Variants in MYO1E observed in about 807,000 individuals in gnomAD.
MYO1E encodes unconventional myosin-Ie.
MYO1E carries 68 observed loss-of-function variants against 151.1 expected under a neutral mutation model. The ratio of observed to expected loss-of-function variants is 0.45; its 90% CI spans 0.37 to 0.55. The LOEUF (loss-of-function observed/expected upper bound fraction) is 0.55. Ranked by LOEUF, MYO1E falls within the 20% of genes least tolerant of loss-of-function variation. MYO1E has a pLI of 0.00. For missense variants in MYO1E, 1,363 were observed against 1,389.3 expected (o/e 0.98, Z 0.30); for synonymous variants, 601 against 501.7 (o/e 1.20, Z -2.64).
intron 25 of MYO1E, among the ~76,000 whole-genome samples, chr15:59,156,331 T>C (rs963664518): frequency 6.6e-6 from 1 of 152,172 alleles, no homozygotes; most frequent in East Asian, 1.9e-4. Flanking sequence ...ATTACAGGTG[T>C]GCACCACCAT....
chr15:59,189,173 T>C (rs1243800372), intron 17 of MYO1E, among the ~76,000 whole-genome samples: 2 of 152,050 alleles, frequency 1.3e-5, no homozygotes, highest in Non-Finnish European at 2.9e-5. Context: ...GATCCTCCTA[T>C]TTCAGGCTCC....
intron 16 of MYO1E, among the ~76,000 whole-genome samples, chr15:59,197,818 A>G (rs1165212221): frequency 6.6e-6 from 1 of 152,228 alleles, no homozygotes; most frequent in Non-Finnish European, 1.5e-5. Flanking sequence ...CATCTTAACC[A>G]TCAAAATTAT....
At chr15:59,210,703 G>C (rs1309129444) in intron 12 of MYO1E, 103 bp from the exon 13 acceptor site, 1 of 786,056 alleles carries the variant, frequency 1.3e-6, no homozygotes, top group South Asian at 1.4e-5. Context: ...AGAAAAACCT[G>C]AATGTCCTGC....
chr15:59,227,555 C>A lies in MYO1E; in HGVS notation c.546G>T (p.Gly182=). Residue 182 remains glycine (G), a synonymous_variant, in exon 7 of 28, where the codon GGG becomes GGT. Transcript: ENST00000288235. ...KYFEIQFSPG[G]EPDGGKISNF... is the part of the protein sequence containing the mutation. ...TGGAGATCTTTCCACCATCTGGTTC[C>A]CCACCTGGACTGAACTGGATTTCAA... The A allele has an allele frequency of 6.2e-7, 1 of 1,614,154 alleles. No individual in the cohort carries two copies. The highest frequency in any genetic ancestry group is 8.5e-7 in the Non-Finnish European group (1 of 1,180,010).
intron 17 of MYO1E, among the ~76,000 whole-genome samples, chr15:59,189,130 C>T (rs4775123): frequency 0.28 from 42,402 of 151,970 alleles, 6,460 homozygotes; most frequent in East Asian, 0.58. Context: ...GATGTGATAG[C>T]TCACTGCAGC....
chr15:59,245,379 A>C (rs2080123503), intron 4 of MYO1E, among the ~76,000 whole-genome samples: 1 of 152,222 alleles, frequency 6.6e-6, no homozygotes, highest in Admixed American at 6.5e-5. Context: ...ACGGGTCAGA[A>C]ATCTTAGCTC....
chr15:59,202,446 G>T, intron 15 of MYO1E, 39 bp from the exon 16 acceptor site: 1 of 1,571,580 alleles, frequency 6.4e-7, no homozygotes, highest in Non-Finnish European at 8.8e-7. Flanking sequence ...CAATCTGTAA[G>T]TACCTCTGGG....
At chr15:59,211,916 T>C (rs1481159755) in intron 12 of MYO1E, among the ~76,000 whole-genome samples, 1 of 152,114 alleles carries the variant, frequency 6.6e-6, no homozygotes, top group African/African-American at 2.4e-5. Context: ...ACTTCCATTC[T>C]AGTTTGCTTT....
intron 17 of MYO1E, among the ~76,000 whole-genome samples, chr15:59,189,498 TTTTTC>T (rs1460757500): frequency 2.4e-5 from 3 of 124,180 alleles, no homozygotes; most frequent in African/African-American, 7.8e-5. Context: ...CTTTCCTTTC[TTTTTC>T]TTTTCTTTCT....
rs577006775 is a variant in MYO1E, at chr15:59,276,814, T to G, written c.4-4365A>C. Among the ~76,000 whole-genome samples, 12 of 152,234 alleles carry G rather than the reference T, an allele frequency of 7.9e-5. No homozygotes were observed. The South Asian group carries it at 2.1e-3, about 26-fold the overall frequency. ...ACTGACTGGTGTCTGTTTACCAGGG[T>G]GGGGACCAGGAAGAGCAAAGGTGAG... On this transcript the variant is annotated intron_variant, in intron 1 of 27. Coordinates refer to ENST00000288235, the MANE Select transcript of MYO1E (RefSeq NM_004998.4).
intron 1 of MYO1E, among the ~76,000 whole-genome samples, chr15:59,345,250 A>G (rs12908478): frequency 0.025 from 3,564 of 144,098 alleles, 52 homozygotes; most frequent in South Asian, 0.044. Flanking sequence ...AATGAGAGAG[A>G]GAGAAAAAAA....
chr15:59,317,790 G>T (rs1426458242), intron 1 of MYO1E, among the ~76,000 whole-genome samples: 2 of 152,182 alleles, frequency 1.3e-5, no homozygotes, highest in African/African-American at 2.4e-5. Context: ...GAGAATGCTG[G>T]TGTGACAGAG....
intron 9 of MYO1E, among the ~76,000 whole-genome samples, chr15:59,220,944 A>AAAAAT (rs2079951289): frequency 6.8e-6 from 1 of 147,110 alleles, no homozygotes; most frequent in African/African-American, 2.5e-5. Context: ...AAAAAAAAAA[A>AAAAAT]AAAGATAAAG....
chr15:59,261,802 A>T (rs1490200904), intron 2 of MYO1E, among the ~76,000 whole-genome samples: 1 of 152,234 alleles, frequency 6.6e-6, no homozygotes, highest in East Asian at 1.9e-4. Flanking sequence ...GGAGAAAAGA[A>T]AACAAAGGAA....
At chr15:59,353,234 G>A (rs1354749120) in intron 1 of MYO1E, among the ~76,000 whole-genome samples, 3 of 151,708 alleles carry the variant, frequency 2.0e-5, no homozygotes. Flanking sequence ...GTGCGCGCCT[G>A]TAGTCCCAGC....
At chr15:59,371,380 T>G (rs118002471) in intron 1 of MYO1E, among the ~76,000 whole-genome samples, 3 of 151,768 alleles carry the variant, frequency 2.0e-5, no homozygotes, top group Admixed American at 6.6e-5. Context: ...ATAATCCACC[T>G]AAGCAGGACT....
chr15:59,223,928 C>G (rs1198957695), intron 8 of MYO1E, among the ~76,000 whole-genome samples: 1 of 152,122 alleles, frequency 6.6e-6, no homozygotes, highest in Non-Finnish European at 1.5e-5. Flanking sequence ...TTCCTGGCAC[C>G]CAGGACACAG....
At chr15:59,176,650 A>C (rs183033619) in intron 19 of MYO1E, among the ~76,000 whole-genome samples, 3 of 151,940 alleles carry the variant, frequency 2.0e-5, no homozygotes, top group Non-Finnish European at 4.4e-5. Context: ...TTTGTAGAGA[A>C]GAGGTCTAAC....
chr15:59,202,185 C>T lies in MYO1E; in HGVS notation c.1698+141G>A, dbSNP rs1312181983. 6 of 717,900 alleles carry T rather than the reference C, an allele frequency of 8.4e-6. No individual in the cohort carries two copies. The African/African-American group carries it at 1.1e-4, about 13-fold the overall frequency. 44.5% of individuals were successfully genotyped at this position (717,900 alleles called of 1,614,324 possible). On this transcript the variant is annotated intron_variant, in intron 16 of 27. Transcript: ENST00000288235. The stretch of plus-strand genomic sequence containing the variant: ...TTGCATCCTGGAACCTTGTAACAAG[C>T]AGCGATGTTACTTCTGGGCATCTTC...
Sources: allele counts gnomAD v4.1 joint callset (sites outside exome capture counted in the v4.1 genomes callset), GRCh38; gene constraint gnomAD v4.1.1; transcripts MANE v1.5; gene names NCBI Gene and HGNC (gene_info 2026-07-23, HGNC 2026-07-21).